PHF14: variants seen among roughly 807,000 people sequenced by gnomAD.
The protein encoded by PHF14 is PHD finger protein 14.
PHF14 carries 55 observed loss-of-function variants against 117.9 expected under a neutral mutation model. That is an observed-to-expected ratio of 0.47 (90% confidence interval 0.38 to 0.58). The LOEUF is 0.58. Ranked by LOEUF, PHF14 falls within the 20% of genes least tolerant of loss-of-function variation. The pLI, the probability that PHF14 is intolerant of heterozygous loss-of-function variation, is 0.00. For synonymous variants in PHF14, 409 were observed against 368.6 expected, an observed-to-expected ratio of 1.11 and a Z score of -1.26; for missense variants, 978 against 1,122.2, an observed-to-expected ratio of 0.87 and a Z score of 1.84.
chr7:11,026,286 C>A (rs1162671246), intron 6 of PHF14, among the ~76,000 whole-genome samples: 1 of 152,178 alleles, frequency 6.6e-6, no homozygotes, highest in South Asian at 2.1e-4. Context: ...ATAAAGTATT[C>A]TTAAATTAAT....
rs765632919 is a variant in PHF14, at chr7:10,982,755, G to C, written c.496G>C (p.Val166Leu). ...TCCTGCTGTTAACACATCCCCTTCT[G>C]TTCCCACTACGACAACCGCTACAGA... is the stretch of plus-strand genomic sequence containing the variant. ...SPPAVNTSPS[V>L]PTTTTATEEQ... The change falls in exon 3 of 18, where the codon GTT becomes CTT. Residue 166 changes from valine to leucine, a missense_variant. Val to Leu is a conservative substitution (Grantham distance 32). Coordinates refer to ENST00000634607, the MANE Select transcript of PHF14 (RefSeq NM_001007157.2). 1 of 1,613,868 alleles carries C rather than the reference G, an allele frequency of 6.2e-7. No individual in the cohort carries two copies. Among genetic ancestry groups the C allele is most frequent in the Non-Finnish European group, 8.5e-7 (1 of 1,179,870 alleles).
intron 4 of PHF14, among the ~76,000 whole-genome samples, chr7:11,010,487 G>A (rs942084920): frequency 3.3e-5 from 5 of 151,286 alleles, no homozygotes; most frequent in African/African-American, 1.2e-4. Context: ...GATTGTGTGC[G>A]TATATATGAT....
At chr7:11,107,448 A>G in intron 16 of PHF14, 1 of 819,298 alleles carries the variant, frequency 1.2e-6, no homozygotes, top group Non-Finnish European at 1.5e-6. Context: ...TCTGATAGCT[A>G]GGAAGTTGTA....
chr7:11,050,702 C>G (rs1316223192), intron 13 of PHF14, among the ~76,000 whole-genome samples: 1 of 152,104 alleles, frequency 6.6e-6, no homozygotes, highest in African/African-American at 2.4e-5. Context: ...TTGGATACCA[C>G]TTGTCTAAAG....
chr7:11,055,485 T>A (rs1784986913), intron 14 of PHF14, among the ~76,000 whole-genome samples: 1 of 152,198 alleles, frequency 6.6e-6, no homozygotes, highest in Non-Finnish European at 1.5e-5. Flanking sequence ...CAAATTCTGG[T>A]TGTGTTTTAT....
intron 16 of PHF14, among the ~76,000 whole-genome samples, chr7:11,065,481 TAAA>T (rs1489788685): frequency 6.6e-6 from 1 of 152,168 alleles, no homozygotes. Flanking sequence ...GCTGAATTAA[TAAA>T]AACTGTCACT....
At chr7:10,992,484 G>T (rs537105837) in intron 4 of PHF14, among the ~76,000 whole-genome samples, 1 of 150,566 alleles carries the variant, frequency 6.6e-6, no homozygotes, top group African/African-American at 2.4e-5. Flanking sequence ...CCAACATGGC[G>T]AAACCCCATC....
chr7:10,994,583 G>A (rs1439444649), intron 4 of PHF14, among the ~76,000 whole-genome samples: 7 of 152,162 alleles, frequency 4.6e-5, no homozygotes, highest in Non-Finnish European at 1.0e-4. Context: ...GCAGATTCCG[G>A]TACTGATTTT....
chr7:11,013,777 C>CT lies in PHF14; in HGVS notation c.1077dup (p.Ile360TyrfsTer7), dbSNP rs1295227188. On this transcript the variant is annotated frameshift_variant, in exon 5 of 18. Transcript: ENST00000634607. LOFTEE classifies it high-confidence loss of function. ...TATGGAGTTGATGGAGAGAGTGACT[C>CT]TATTATGAGTTCAGCTTCTGAAAAC... 6.3e-7 allele frequency: 1 copy of CT among 1,598,378 alleles called. No individual in the cohort carries two copies. Among genetic ancestry groups the CT allele is most frequent in the African/African-American group, 1.3e-5 (1 of 74,672 alleles).
At chr7:11,156,319 AT>A (rs1788850025) in intron 17 of PHF14, among the ~76,000 whole-genome samples, 1 of 152,208 alleles carries the variant, frequency 6.6e-6, no homozygotes. Flanking sequence ...AGCAAATTCA[AT>A]TTCTTTTTAA....
chr7:11,153,208 C>T (rs1290804011), intron 17 of PHF14, among the ~76,000 whole-genome samples: 2 of 152,028 alleles, frequency 1.3e-5, no homozygotes, highest in African/African-American at 4.8e-5. Flanking sequence ...AACATGATAG[C>T]TTGAATTAAG....
chr7:11,054,955 C>T (rs1012485259), intron 14 of PHF14, among the ~76,000 whole-genome samples: 6 of 152,016 alleles, frequency 3.9e-5, no homozygotes, highest in Admixed American at 2.0e-4. Context: ...ATTTTACCTT[C>T]ATGACATACG....
intron 2 of PHF14, among the ~76,000 whole-genome samples, chr7:10,976,638 C>A (rs1003569829): frequency 1.3e-5 from 2 of 151,906 alleles, no homozygotes; most frequent in Non-Finnish European, 2.9e-5. Context: ...CAATCTGATA[C>A]AAACATAAAG....
In PHF14 at chr7:11,028,322, A is replaced by C. The variant is rs933979669; in HGVS notation, c.1318-359A>C. Among the ~76,000 whole-genome samples, 8 of 152,212 alleles carry C rather than the reference A, an allele frequency of 5.3e-5. No individual in the cohort carries two copies. The East Asian group carries it at 1.3e-3, about 26-fold the overall frequency. On this transcript the variant is annotated intron_variant, in intron 6 of 17. Coordinates refer to ENST00000634607, the MANE Select transcript of PHF14 (RefSeq NM_001007157.2). Reference sequence around the variant, plus strand: ...TCTGCTGAGCGTGTATTGTTTTTGCAACATTGTAAAGTTAAAAAATTAGAA... The same window carrying C: ...TCTGCTGAGCGTGTATTGTTTTTGCCACATTGTAAAGTTAAAAAATTAGAA...
At chr7:11,052,785 C>A (rs946068755) in intron 14 of PHF14, among the ~76,000 whole-genome samples, 2 of 152,070 alleles carry the variant, frequency 1.3e-5, no homozygotes, top group Non-Finnish European at 1.5e-5. Flanking sequence ...AAGCCTTTCA[C>A]CAGTTTTTCT....
At chr7:11,035,869 T>C in intron 8 of PHF14, 83 bp downstream of exon 8, 1 of 1,037,548 alleles carries the variant, frequency 9.6e-7, no homozygotes, top group Non-Finnish European at 1.4e-6. Context: ...TCCAGTGACA[T>C]GTGACGTATA....
chr7:11,097,998 T>C (rs1786941304), intron 16 of PHF14, among the ~76,000 whole-genome samples: 1 of 152,172 alleles, frequency 6.6e-6, no homozygotes, highest in South Asian at 2.1e-4. Flanking sequence ...TCTGTAAATC[T>C]ATCATATTCC....
At chr7:11,107,335 TTACA>T in intron 16 of PHF14, 1 of 926,732 alleles carries the variant, frequency 1.1e-6, no homozygotes, top group Non-Finnish European at 1.3e-6. Context: ...AGTAAGTATT[TTACA>T]TACATATAGA....
chr7:11,027,680 C>T (rs1210003122), intron 6 of PHF14, among the ~76,000 whole-genome samples: 1 of 151,628 alleles, frequency 6.6e-6, no homozygotes, highest in Non-Finnish European at 1.5e-5. Context: ...CCAATTTCAC[C>T]TGATTATTAA....
Sources: allele counts gnomAD v4.1 joint callset (sites outside exome capture counted in the v4.1 genomes callset), GRCh38; gene constraint gnomAD v4.1.1; transcripts MANE v1.5; gene names NCBI Gene and HGNC (gene_info 2026-07-23, HGNC 2026-07-21).